The following LDB2 variants were observed in gnomAD, a reference collection of about 807,000 sequenced individuals.
LDB2 encodes the protein LIM domain-binding protein 2.
Under a neutral mutation model 44.3 loss-of-function variants are expected in LDB2, and 12 were observed. The observed-to-expected ratio is 0.27, with a 90% CI of 0.17 to 0.44. The LOEUF (loss-of-function observed/expected upper bound fraction) is 0.44. Among genes scored for constraint, LDB2 ranks in the 20% least tolerant of loss-of-function variants. The pLI, the probability that LDB2 is intolerant of heterozygous loss-of-function variation, is 1.00. For synonymous variants in LDB2, 164 were observed against 174.8 expected (o/e 0.94, Z 0.49); for missense variants, 344 against 473.5 (o/e 0.73, Z 2.54).
intron 1 of LDB2, among the ~76,000 whole-genome samples, chr4:16,764,682 G>A (rs935551070): frequency 6.6e-6 from 1 of 152,162 alleles, no homozygotes; most frequent in African/African-American, 2.4e-5. Context: ...TTAAAATTCT[G>A]CAGCTTTATG....
At chr4:16,654,499 CAAGTTAAA>C (rs1469428834) in intron 2 of LDB2, among the ~76,000 whole-genome samples, 1 of 152,114 alleles carries the variant, frequency 6.6e-6, no homozygotes, top group Non-Finnish European at 1.5e-5. Flanking sequence ...TGAAGAAAAG[CAAGTTAAA>C]ATTTGATATA....
intron 2 of LDB2, among the ~76,000 whole-genome samples, chr4:16,690,471 AAGGAAGGAAGGGAGGG>A (rs1750376468): frequency 2.3e-5 from 1 of 43,942 alleles, no homozygotes; most frequent in Admixed American, 3.2e-4. Flanking sequence ...GGAAGGAAGG[AAGGAAGGAAGGGAGGG>A]AGGGAGGGAG....
At chr4:16,749,581 T>TA (rs1277925447) in intron 2 of LDB2, among the ~76,000 whole-genome samples, 14,139 of 123,594 alleles carry the variant, frequency 0.11, 779 homozygotes, top group East Asian at 0.26. Flanking sequence ...AATAAAAAAA[T>TA]AAAAAAAAAT....
intron 1 of LDB2, among the ~76,000 whole-genome samples, chr4:16,846,688 AT>A (rs1396924341): frequency 6.6e-6 from 1 of 152,154 alleles, no homozygotes; most frequent in African/African-American, 2.4e-5. Flanking sequence ...GAGATGCCAC[AT>A]TTGCAGTCTG....
chr4:16,802,934 A>T (rs1579809771), intron 1 of LDB2, among the ~76,000 whole-genome samples: 1 of 152,234 alleles, frequency 6.6e-6, no homozygotes, highest in East Asian at 1.9e-4. Context: ...CTTCCCTGAG[A>T]TTCAAGCTGA....
chr4:16,723,277 AG>A (rs1419019306), intron 2 of LDB2, among the ~76,000 whole-genome samples: 2 of 152,148 alleles, frequency 1.3e-5, no homozygotes, highest in African/African-American at 2.4e-5. Context: ...ACAATTCTGG[AG>A]GTTGGGAAGT....
At chr4:16,589,215 GGTT>G (rs1718042713) in intron 3 of LDB2, among the ~76,000 whole-genome samples, 1 of 152,024 alleles carries the variant, frequency 6.6e-6, no homozygotes, top group Non-Finnish European at 1.5e-5. Flanking sequence ...TTCTAATCTT[GGTT>G]ATCCTGCTCT....
intron 2 of LDB2, among the ~76,000 whole-genome samples, chr4:16,637,299 ATTTT>A (rs34484721): frequency 1.2e-5 from 1 of 85,482 alleles, no homozygotes; most frequent in South Asian, 5.6e-4. Flanking sequence ...GCCTAGGCTG[ATTTT>A]TTTTTTTTTT....
chr4:16,828,965 G>A (rs572848991), intron 1 of LDB2, among the ~76,000 whole-genome samples: 2 of 152,326 alleles, frequency 1.3e-5, no homozygotes, highest in Non-Finnish European at 2.9e-5. Flanking sequence ...ACTTGAATGC[G>A]TGGCTGAAGA....
chr4:16,637,349 G>C (rs556184723), intron 2 of LDB2, among the ~76,000 whole-genome samples: 27 of 137,282 alleles, frequency 2.0e-4, no homozygotes, highest in African/African-American at 7.4e-4. Context: ...CATAGAGCAG[G>C]TGTCTTTTTC....
At chr4:16,655,847 T>C (rs932815010) in intron 2 of LDB2, among the ~76,000 whole-genome samples, 2 of 151,608 alleles carry the variant, frequency 1.3e-5, no homozygotes, top group African/African-American at 4.9e-5. Context: ...CTATGTCAAA[T>C]AGATTATTTC....
At chr4:16,876,929 C>G (rs1222089617) in intron 1 of LDB2, among the ~76,000 whole-genome samples, 1 of 124,848 alleles carries the variant, frequency 8.0e-6, no homozygotes, top group Non-Finnish European at 1.6e-5. Flanking sequence ...TCCTTAGAGA[C>G]AAGGTCTTCG....
At chr4:16,643,457 G>C (rs980690306) in intron 2 of LDB2, among the ~76,000 whole-genome samples, 1 of 152,120 alleles carries the variant, frequency 6.6e-6, no homozygotes, top group African/African-American at 2.4e-5. Flanking sequence ...TGGCTAATTG[G>C]CACAAAATAA....
At position 16,519,258 on chromosome 4, in the gene LDB2, C is replaced by T. The variant is rs147563757; in HGVS notation, c.616-7154G>A. ...ACCTTAAATTATTATGTCATTAACC[C>T]TCACCCCCACCTTTTGGCCCACTTT... On this transcript the variant is annotated intron_variant, in intron 5 of 7. Transcript: ENST00000304523. Among the ~76,000 whole-genome samples, 709 of 152,144 alleles carry T rather than the reference C, an allele frequency of 4.7e-3. 1 individual carries two copies. Among genetic ancestry groups the T allele is most frequent in the Non-Finnish European group, 7.1e-3 (486 of 67,994 alleles).
At chr4:16,551,161 T>C (rs1273244239) in intron 5 of LDB2, among the ~76,000 whole-genome samples, 1 of 152,196 alleles carries the variant, frequency 6.6e-6, no homozygotes, top group Non-Finnish European at 1.5e-5. Flanking sequence ...CTCTGGGGAA[T>C]GAGAAGAGTA....
intron 3 of LDB2, among the ~76,000 whole-genome samples, chr4:16,594,383 A>T (rs1452987222): frequency 6.6e-6 from 1 of 152,158 alleles, no homozygotes; most frequent in African/African-American, 2.4e-5. Context: ...CATGTAGCAA[A>T]AGTCTCTTGT....
chr4:16,824,933 C>T (rs1325683431), intron 1 of LDB2, among the ~76,000 whole-genome samples: 1 of 152,224 alleles, frequency 6.6e-6, no homozygotes, highest in Non-Finnish European at 1.5e-5. Context: ...GAAAGCATTA[C>T]ACTGTGATGT....
chr4:16,831,258 A>G (rs185822768), intron 1 of LDB2, among the ~76,000 whole-genome samples: 1 of 151,140 alleles, frequency 6.6e-6, no homozygotes, highest in East Asian at 2.0e-4. Context: ...ACAAGCAGCA[A>G]GGAGGTGGGA....
intron 2 of LDB2, among the ~76,000 whole-genome samples, chr4:16,732,618 G>C (rs1437716616): frequency 2.0e-5 from 3 of 152,180 alleles, no homozygotes; most frequent in Non-Finnish European, 2.9e-5. Flanking sequence ...ACCATCCACA[G>C]CTATAGTTCT....
Sources: gnomAD v4.1 joint callset for allele counts (sites outside exome capture counted in the v4.1 genomes callset) on GRCh38, gnomAD v4.1.1 for gene constraint, MANE v1.5 for transcripts, NCBI Gene and HGNC (gene_info 2026-07-23, HGNC 2026-07-21) for gene names.